The following SLC45A4 variants were observed in gnomAD, a reference collection of about 807,000 sequenced individuals.
SLC45A4 encodes the protein solute carrier family 45 member 4.
Under a neutral mutation model 63.7 loss-of-function variants are expected in SLC45A4, and 32 were observed. The ratio of observed to expected loss-of-function variants is 0.50; its 90% CI spans 0.38 to 0.67. The LOEUF is 0.67. Ranked by LOEUF, SLC45A4 falls within the 30% of genes least tolerant of loss-of-function variation. The pLI, the probability that SLC45A4 is intolerant of heterozygous loss-of-function variation, is 0.00. For synonymous variants in SLC45A4, 535 were observed against 510.0 expected (o/e 1.05, Z -0.66); for missense variants, 1,027 against 1,157.7 (o/e 0.89, Z 1.64).
rs540342644 is a variant in SLC45A4 at position 141,254,172 on chromosome 8, C to T, written c.58G>A (p.Val20Met). ...PESMQVQELS[V>M]PLPDPQKAGG... ...GCTTTCTGCGGGTCCGGCAGGGGCA[C>T]GGATAACTCTTGAACTTGCATAGAT... is the stretch of plus-strand genomic sequence containing the variant. Residue 20 changes from valine to methionine, a missense_variant, in exon 2 of 9, where the codon GTG (valine) becomes ATG (methionine). Coordinates refer to ENST00000517878, the MANE Select transcript of SLC45A4 (RefSeq NM_001286646.2). The surrounding 1 kb of genome is among the most constrained non-coding windows in gnomAD (Gnocchi z 4.5). The T allele has an allele frequency of 8.7e-5, 133 of 1,536,120 alleles. No individual in the cohort carries two copies. The highest frequency in any genetic ancestry group is 1.9e-4 in the South Asian group (16 of 84,064).
chr8:141,237,662 C>T (rs1415845197), intron 2 of SLC45A4, among the ~76,000 whole-genome samples: 1 of 152,172 alleles, frequency 6.6e-6, no homozygotes, highest in Non-Finnish European at 1.5e-5. Flanking sequence ...CTCACCGCCG[C>T]CCTCCATGCC....
chr8:141,241,080 T>C (rs1009246543), intron 2 of SLC45A4, among the ~76,000 whole-genome samples: 2 of 152,248 alleles, frequency 1.3e-5, no homozygotes, highest in East Asian at 1.9e-4. Context: ...ATCTCCTTTA[T>C]GGGACTCAGC....
At chr8:141,241,276 C>T (rs937391754) in intron 2 of SLC45A4, among the ~76,000 whole-genome samples, 1 of 152,232 alleles carries the variant, frequency 6.6e-6, no homozygotes, top group Non-Finnish European at 1.5e-5. Flanking sequence ...TCACCGGCAA[C>T]GTGGTGGACA....
At chr8:141,304,084 T>C (rs1318071757) in intron 1 of SLC45A4, among the ~76,000 whole-genome samples, 1 of 152,120 alleles carries the variant, frequency 6.6e-6, no homozygotes, top group Non-Finnish European at 1.5e-5. Context: ...AGGTGGGCCT[T>C]GGGATGACCC....
Position 141,215,635 on chromosome 8 carries a change from C to G in SLC45A4, c.1941+124G>C, listed in dbSNP as rs117087012. 2.1e-3 allele frequency: 2,039 copies of G among 966,658 alleles called. 53 individuals are homozygous for G. The East Asian group carries it at 0.049, about 23-fold the overall frequency. The allele number at this position is 966,658 out of a possible 1,614,324, so 59.9% of individuals were successfully genotyped here. A position where few individuals can be genotyped will look rare whatever the true frequency, so the allele number is the denominator to read the frequency against. ...GCTTTGGAAGGGGCCATCTCAGAAC[C>G]GGAGAGGAAGGAGGGCCATCTGTGT... is the stretch of plus-strand genomic sequence containing the variant. On this transcript the variant is annotated intron_variant, in intron 7 of 8. Transcript: ENST00000517878. This position sits in a 1 kb window ranked among gnomAD's most constrained non-coding sequence, Gnocchi z 4.3.
At chr8:141,288,490 C>T (rs1830233864) in intron 1 of SLC45A4, among the ~76,000 whole-genome samples, 1 of 152,230 alleles carries the variant, frequency 6.6e-6, no homozygotes, top group Admixed American at 6.5e-5. Context: ...GGGACCACGC[C>T]TGGTTGGACC....
chr8:141,299,873 GC>G (rs1412589468), intron 1 of SLC45A4, among the ~76,000 whole-genome samples: 1 of 152,212 alleles, frequency 6.6e-6, no homozygotes, highest in East Asian at 1.9e-4. Context: ...AGGATTTGCT[GC>G]TTTGGAGAAG....
chr8:141,277,598 C>G (rs1829774285), intron 1 of SLC45A4, among the ~76,000 whole-genome samples: 1 of 151,968 alleles, frequency 6.6e-6, no homozygotes, highest in African/African-American at 2.4e-5. Flanking sequence ...AAAAGTCCAC[C>G]CTTTTACTCT....
At chr8:141,270,294 A>C (rs749861441) in intron 1 of SLC45A4, among the ~76,000 whole-genome samples, 1 of 151,714 alleles carries the variant, frequency 6.6e-6, no homozygotes, top group African/African-American at 2.4e-5. Context: ...TGGGAGGCTG[A>C]GGAAGGAGGA....
chr8:141,211,473 G>A lies in SLC45A4; in HGVS notation c.*99C>T. 6.2e-7 allele frequency: 1 copy of A among 1,601,612 alleles called. No individual in the cohort carries two copies. The highest frequency in any genetic ancestry group is 1.1e-5 in the South Asian group (1 of 89,454). Reference sequence around the variant, plus strand: ...TCTTCTGCCCAGGCCCCCCGGACCAGCCTCCTCCCAGCTTTGGTGTGCGGT... The same window carrying A: ...TCTTCTGCCCAGGCCCCCCGGACCAACCTCCTCCCAGCTTTGGTGTGCGGT... On this transcript the variant is annotated 3_prime_UTR_variant, in exon 9 of 9. Coordinates refer to ENST00000517878, the MANE Select transcript of SLC45A4 (RefSeq NM_001286646.2).
intron 2 of SLC45A4, among the ~76,000 whole-genome samples, chr8:141,222,267 C>T (rs1826691316): frequency 6.6e-6 from 1 of 152,246 alleles, no homozygotes; most frequent in African/African-American, 2.4e-5. Flanking sequence ...GACTTCTAGA[C>T]CTCACTGGCT....
intron 1 of SLC45A4, among the ~76,000 whole-genome samples, chr8:141,295,366 G>A (rs377629049): frequency 1.2e-4 from 19 of 152,346 alleles, no homozygotes; most frequent in African/African-American, 1.4e-4. Context: ...GGCACCAGGC[G>A]GAACTCCCAG....
At chr8:141,250,893 CAAT>C (rs1317133525) in intron 2 of SLC45A4, among the ~76,000 whole-genome samples, 1 of 152,110 alleles carries the variant, frequency 6.6e-6, no homozygotes, top group African/African-American at 2.4e-5. Context: ...CAAAACAAAA[CAAT>C]GAAACGTGCA....
chr8:141,230,085 T>C (rs751978755), intron 2 of SLC45A4: 1 of 456,280 alleles, frequency 2.2e-6, no homozygotes, highest in Non-Finnish European at 4.4e-6. Flanking sequence ...TTACTCTCGG[T>C]AAATGAATTA....
chr8:141,296,549 AAG>A (rs1431583500), intron 1 of SLC45A4, among the ~76,000 whole-genome samples: 11 of 149,446 alleles, frequency 7.4e-5, no homozygotes, highest in Non-Finnish European at 1.0e-4. Context: ...TAAAAAAAAA[AAG>A]AAGGCCAGGC....
At chr8:141,294,778 G>A (rs1002457578) in intron 1 of SLC45A4, among the ~76,000 whole-genome samples, 8 of 152,208 alleles carry the variant, frequency 5.3e-5, no homozygotes, top group East Asian at 3.9e-4. Context: ...CAGTTGGTGC[G>A]GGACCCCTGG....
At chr8:141,304,018 G>A (rs989316892) in intron 1 of SLC45A4, among the ~76,000 whole-genome samples, 4 of 152,192 alleles carry the variant, frequency 2.6e-5, no homozygotes, top group Non-Finnish European at 4.4e-5. Flanking sequence ...TCCCCCCCGC[G>A]GCTCCCGACA....
chr8:141,255,017 GA>G (rs1434465753), intron 1 of SLC45A4, among the ~76,000 whole-genome samples: 2 of 152,194 alleles, frequency 1.3e-5, no homozygotes, highest in African/African-American at 4.8e-5. Context: ...CAGATATCAT[GA>G]AAGGGAAGTA....
chr8:141,259,254 C>G (rs1238975707), intron 1 of SLC45A4, among the ~76,000 whole-genome samples: 1 of 152,278 alleles, frequency 6.6e-6, no homozygotes, highest in Non-Finnish European at 1.5e-5. Context: ...GACACCGCTG[C>G]TCAGCAGGCT....
Sources: gnomAD v4.1 joint callset for allele counts (sites outside exome capture counted in the v4.1 genomes callset) on GRCh38, gnomAD v4.1.1 for gene constraint, Gnocchi (gnomAD v3.1) non-coding constraint, MANE v1.5 for transcripts, NCBI Gene and HGNC (gene_info 2026-07-23, HGNC 2026-07-21) for gene names.